CPS1: variants seen among roughly 807,000 people sequenced by gnomAD.
CPS1 encodes carbamoyl-phosphate synthase 1.
In CPS1, 109 loss-of-function variants were observed where a neutral mutation model predicts 174.6. The ratio of observed to expected loss-of-function variants is 0.62; its 90% CI spans 0.53 to 0.73. The LOEUF (loss-of-function observed/expected upper bound fraction) is 0.73. CPS1 is among the 30% of genes least tolerant of loss of function. The pLI is 0.00. For synonymous variants in CPS1, 637 were observed against 632.0 expected (o/e 1.01, Z -0.12); for missense variants, 1,689 against 1,821.9 (o/e 0.93, Z 1.33).
upstream of CPS1, among the ~76,000 whole-genome samples, chr2:210,553,646 T>G (rs1696787100): frequency 6.6e-6 from 1 of 152,028 alleles, no homozygotes; most frequent in Non-Finnish European, 1.5e-5. Context: ...AGACAGCTTA[T>G]ATGAAGGAGG....
Position 210,668,276 on chromosome 2 carries a change from G to C in CPS1, c.4093G>C (p.Gly1365Arg). The stretch of plus-strand genomic sequence containing the variant: ...GATACCCCAGAAAGGCATCCTGATA[G>C]GCATCCAGGTAAGTGGTTTGTGGCT... ...FKIPQKGILI[G>R]IQQSFRPRFL... The change falls in exon 34 of 38, where the codon GGC becomes CGC. Residue 1365 changes from glycine (G) to arginine (R), a missense_variant. By Grantham distance (125) the Gly-to-Arg change is moderately radical. Coordinates refer to ENST00000233072, the MANE Select transcript of CPS1 (RefSeq NM_001875.5). 1 of 1,612,256 alleles carries C rather than the reference G, an allele frequency of 6.2e-7. No homozygotes were observed. Among genetic ancestry groups the C allele is most frequent in the Non-Finnish European group, 8.5e-7 (1 of 1,178,358 alleles).
chr2:210,642,939 AC>A (rs1700274432), intron 25 of CPS1, among the ~76,000 whole-genome samples: 1 of 152,250 alleles, frequency 6.6e-6, no homozygotes. Flanking sequence ...TGAAAACTCT[AC>A]TTGGTAACAT....
Position 210,532,442 on chromosome 2 carries a change from A to G in CPS1, c.4-24277A>G, listed in dbSNP as rs1696140052. Among the ~76,000 whole-genome samples, 3 of 152,182 alleles carry G rather than the reference A, an allele frequency of 2.0e-5. No homozygotes were observed. The South Asian group carries it at 6.2e-4, about 32-fold the overall frequency. On this transcript the variant is annotated intron_variant, in intron 1 of 38. Transcript: ENST00000430249. The stretch of plus-strand genomic sequence containing the variant: ...AAATTCCAAATTACTCTTGTTTTTA[A>G]ATAGTTATACATAAATCTGAAGTAA...
At position 210,608,356 on chromosome 2, in the gene CPS1, T is replaced by C; in HGVS notation, c.2193-5T>C. ...AAAAAAAATAAATTTGTCTTCTTTT[T>C]ATAGCTACCCATTGGCATTCATTGC... On this transcript the variant is annotated splice_polypyrimidine_tract_variant and splice_region_variant and intron_variant, in intron 18 of 37. Coordinates refer to ENST00000233072, the MANE Select transcript of CPS1 (RefSeq NM_001875.5). 1.2e-6 allele frequency: 2 copies of C among 1,611,656 alleles called. No homozygotes were observed. The highest frequency in any genetic ancestry group is 1.7e-6 in the Non-Finnish European group (2 of 1,178,420).
chr2:210,545,390 A>G (rs1176495140), intron 1 of CPS1, among the ~76,000 whole-genome samples: 5 of 152,072 alleles, frequency 3.3e-5, no homozygotes, highest in Non-Finnish European at 5.9e-5. Flanking sequence ...TAACTTTAAT[A>G]TAACTTTGGT....
intron 6 of CPS1, among the ~76,000 whole-genome samples, chr2:210,587,728 ACATTT>A (rs1404818416): frequency 6.6e-6 from 1 of 152,114 alleles, no homozygotes; most frequent in Non-Finnish European, 1.5e-5. Context: ...TAATGCTTAA[ACATTT>A]CATTGCTACC....
At chr2:210,576,633 T>A in intron 3 of CPS1, 143 bp downstream of exon 3, 1 of 892,530 alleles carries the variant, frequency 1.1e-6, no homozygotes, top group Non-Finnish European at 1.8e-6. Flanking sequence ...TATTCCTAGG[T>A]ACATGAGAAT....
intron 21 of CPS1, among the ~76,000 whole-genome samples, chr2:210,623,350 A>C (rs1269861027): frequency 6.6e-6 from 1 of 152,086 alleles, no homozygotes; most frequent in Non-Finnish European, 1.5e-5. Context: ...CCTATTGTTG[A>C]CATAAACTTT....
rs1559074882 is a variant in CPS1, at chr2:210,556,839, A to G, written c.106A>G (p.Ile36Val). 2 of 1,613,082 alleles carry G rather than the reference A, an allele frequency of 1.2e-6. No homozygotes were observed. The highest frequency in any genetic ancestry group is 2.2e-5 in the East Asian group (1 of 44,834). ...AAAATGGAAATTTTCAAGACCTGGCATCAGGCTCCTTTCTGTCAAGGTAAT... is the reference window on the plus strand; with the variant it reads ...AAAATGGAAATTTTCAAGACCTGGCGTCAGGCTCCTTTCTGTCAAGGTAAT... ...HQKWKFSRPG[I>V]RLLSVKAQTA... Residue 36 changes from isoleucine (I) to valine (V), a missense_variant, in exon 1 of 38, where the codon ATC (isoleucine) becomes GTC (valine). Physicochemically the swap from Ile to Val is conservative, Grantham distance 29 (BLOSUM62 3). Transcript: ENST00000233072.
chr2:210,638,364 A>T (rs529433474), intron 22 of CPS1, among the ~76,000 whole-genome samples: 1 of 152,238 alleles, frequency 6.6e-6, no homozygotes, highest in South Asian at 2.1e-4. Context: ...ACAATCACGC[A>T]TGAACATTCA....
chr2:210,615,246 G>A (rs1173309145), intron 20 of CPS1, among the ~76,000 whole-genome samples: 1 of 151,904 alleles, frequency 6.6e-6, no homozygotes, highest in Non-Finnish European at 1.5e-5. Flanking sequence ...TAGAAAGTAA[G>A]ACAGAATATT....
intron 1 of CPS1, among the ~76,000 whole-genome samples, chr2:210,510,974 G>C (rs574755441): frequency 6.6e-6 from 1 of 151,210 alleles, no homozygotes; most frequent in Non-Finnish European, 1.5e-5. Context: ...TCAGTGTGGC[G>C]ATTCCTCAGG....
chr2:210,611,682 T>A (rs1390730075), intron 19 of CPS1, among the ~76,000 whole-genome samples: 1 of 151,988 alleles, frequency 6.6e-6, no homozygotes, highest in African/African-American at 2.4e-5. Context: ...TGACTGATAC[T>A]CATTTACAAA....
chr2:210,661,662 G>A (rs1338563974), intron 32 of CPS1, among the ~76,000 whole-genome samples: 4 of 151,984 alleles, frequency 2.6e-5, no homozygotes, highest in Admixed American at 2.6e-4. Context: ...AGGAGAGGTG[G>A]CATTTTATTC....
intron 22 of CPS1, among the ~76,000 whole-genome samples, chr2:210,638,139 T>C (rs576501780): frequency 6.6e-6 from 1 of 152,358 alleles, no homozygotes; most frequent in South Asian, 2.1e-4. Flanking sequence ...CTTTTTGACC[T>C]GTGTTCAAAT....
chr2:210,664,135 TG>T (rs1318384028), intron 33 of CPS1, among the ~76,000 whole-genome samples: 1 of 152,090 alleles, frequency 6.6e-6, no homozygotes, highest in African/African-American at 2.4e-5. Flanking sequence ...GCCTCTTTGT[TG>T]CTTCTTTTAA....
Position 210,578,846 on chromosome 2 carries a change from T to G in CPS1, c.472-868T>G, listed in dbSNP as rs142158696. Among the ~76,000 whole-genome samples, 631 of 152,306 alleles carry G rather than the reference T, an allele frequency of 4.1e-3. 4 individuals are homozygous for G. Among genetic ancestry groups the G allele is most frequent in the Middle Eastern group, 6.8e-3 (2 of 294 alleles). Reference sequence around the variant, plus strand: ...GCCCCCAACAACCCAAGCTTTCCTTTTCCTTTTTGTTATTTAGGACACTTG... The same window carrying G: ...GCCCCCAACAACCCAAGCTTTCCTTGTCCTTTTTGTTATTTAGGACACTTG... On this transcript the variant is annotated intron_variant, in intron 4 of 37. Coordinates refer to ENST00000233072, the MANE Select transcript of CPS1 (RefSeq NM_001875.5).
chr2:210,533,656 A>G (rs1008703659), intron 1 of CPS1, among the ~76,000 whole-genome samples: 76 of 152,202 alleles, frequency 5.0e-4, no homozygotes, highest in African/African-American at 1.8e-3. Flanking sequence ...GTAAACAGTG[A>G]TAACATGCTT....
At chr2:210,570,619 T>G (rs1247676096) in intron 1 of CPS1, among the ~76,000 whole-genome samples, 1 of 151,970 alleles carries the variant, frequency 6.6e-6, no homozygotes, top group African/African-American at 2.4e-5. Context: ...ATTTACAGTC[T>G]ACACTCAAAT....
Sources: gnomAD v4.1 joint callset for allele counts (sites outside exome capture counted in the v4.1 genomes callset) on GRCh38, gnomAD v4.1.1 for gene constraint, MANE v1.5 for transcripts, NCBI Gene and HGNC (gene_info 2026-07-23, HGNC 2026-07-21) for gene names.